Variants in BABAM2 observed in about 807,000 individuals in gnomAD.
BABAM2 encodes the protein BRISC and BRCA1 A complex member 2.
BABAM2 carries 31 observed loss-of-function variants against 54.7 expected under a neutral mutation model. The ratio of observed to expected loss-of-function variants is 0.57; its 90% CI spans 0.43 to 0.77. The LOEUF (loss-of-function observed/expected upper bound fraction) is 0.77, where lower values mean the gene tolerates loss of function less well. BABAM2 is among the 30% of genes least tolerant of loss of function. BABAM2 has a pLI of 0.00. For synonymous variants in BABAM2, 167 were observed against 162.9 expected (o/e 1.03, Z -0.19); for missense variants, 364 against 455.8 (o/e 0.80, Z 1.83).
chr2:27,900,092 G>C (rs1343302571), intron 2 of BABAM2, among the ~76,000 whole-genome samples: 5 of 152,134 alleles, frequency 3.3e-5, no homozygotes, highest in Non-Finnish European at 7.4e-5. Flanking sequence ...CTTCTTTTTG[G>C]TGTGTCACTT....
intron 10 of BABAM2, among the ~76,000 whole-genome samples, chr2:28,294,446 G>T (rs1687526892): frequency 6.6e-6 from 1 of 151,890 alleles, no homozygotes; most frequent in African/African-American, 2.4e-5. Context: ...CTGAAACTAT[G>T]AGCCCCAAAT....
chr2:28,219,026 C>A (rs1303226742), intron 7 of BABAM2, among the ~76,000 whole-genome samples: 2 of 152,200 alleles, frequency 1.3e-5, no homozygotes, highest in South Asian at 2.1e-4. Context: ...GTTGCTGTAA[C>A]AAATTACCAC....
chr2:28,294,097 C>T (rs1687495095), intron 10 of BABAM2, among the ~76,000 whole-genome samples: 1 of 151,540 alleles, frequency 6.6e-6, no homozygotes, highest in East Asian at 2.0e-4. Context: ...AAGCAAATGG[C>T]TGGCCAGGCA....
At chr2:28,268,867 G>C (rs760258171) in intron 10 of BABAM2, among the ~76,000 whole-genome samples, 1 of 152,174 alleles carries the variant, frequency 6.6e-6, no homozygotes, top group African/African-American at 2.4e-5. Context: ...AAGTCTTGAG[G>C]TCCACTGTAG....
intron 3 of BABAM2, among the ~76,000 whole-genome samples, chr2:27,987,676 A>G (rs1377836504): frequency 1.3e-5 from 2 of 151,822 alleles, no homozygotes; most frequent in Non-Finnish European, 2.9e-5. Context: ...TTATCTGGGC[A>G]TGGTGACATG....
Position 27,895,675 on chromosome 2 carries a change from C to T in BABAM2, c.128+991C>T, listed in dbSNP as rs79686340. 2.1e-4 allele frequency among the ~76,000 whole-genome samples: 32 copies of T among 152,206 alleles called. 1 individual carries two copies. In the East Asian group the frequency reaches 5.8e-3, roughly 28 times the overall value. On this transcript the variant is annotated intron_variant, in intron 2 of 11. Coordinates refer to ENST00000379624, the MANE Select transcript of BABAM2 (RefSeq NM_199191.3). ...TGATGCTTTGAGACTTTGCCAATAC[C>T]CGGTTTCTCATCATCCTTTTGTCCA...
At chr2:28,182,133 C>T (rs1054072145) in intron 7 of BABAM2, among the ~76,000 whole-genome samples, 1 of 152,140 alleles carries the variant, frequency 6.6e-6, no homozygotes, top group African/African-American at 2.4e-5. Context: ...TAGGGCCTTA[C>T]AGGCCGCTTT....
At chr2:28,040,296 T>TTTTTTTTTTG in intron 5 of BABAM2, among the ~76,000 whole-genome samples, 1 of 17,004 alleles carries the variant, frequency 5.9e-5, no homozygotes, top group Non-Finnish European at 1.4e-4. Flanking sequence ...ACTGAATTCT[T>TTTTTTTTTTG]TTTTTTTTTT....
intron 6 of BABAM2, among the ~76,000 whole-genome samples, chr2:28,058,335 C>G (rs960549747): frequency 1.3e-5 from 2 of 151,852 alleles, no homozygotes; most frequent in Non-Finnish European, 2.9e-5. Flanking sequence ...AAATTTTAAT[C>G]ATTATTTTTG....
intron 6 of BABAM2, among the ~76,000 whole-genome samples, chr2:28,068,305 A>G (rs1477834675): frequency 6.6e-6 from 1 of 152,212 alleles, no homozygotes; most frequent in Non-Finnish European, 1.5e-5. Flanking sequence ...AGGGCACAAA[A>G]TACAAGTTCT....
At position 27,948,895 on chromosome 2, in the gene BABAM2, C is replaced by T. The variant is rs370529525; in HGVS notation, c.205+18987C>T. Among the ~76,000 whole-genome samples the T allele has an allele frequency of 1.9e-4, 29 of 152,280 alleles. No homozygotes were observed. The South Asian group carries it at 5.6e-3, about 29-fold the overall frequency. On this transcript the variant is annotated intron_variant, in intron 3 of 11. Transcript: ENST00000379624. ...GTTGGCTATGTATTTTTCAGAGATG[C>T]CCTTTATCAGACTGATGAAGTCCCC...
chr2:28,074,202 A>G (rs1220620439), intron 6 of BABAM2, among the ~76,000 whole-genome samples: 1 of 152,168 alleles, frequency 6.6e-6, no homozygotes, highest in Non-Finnish European at 1.5e-5. Context: ...ACATGAATTT[A>G]TTTGTGACAA....
intron 4 of BABAM2, among the ~76,000 whole-genome samples, chr2:27,997,870 C>T (rs1046715949): frequency 1.3e-5 from 2 of 151,904 alleles, no homozygotes; most frequent in Non-Finnish European, 2.9e-5. Flanking sequence ...TATGCTTATC[C>T]AGGGCCAGGC....
intron 2 of BABAM2, among the ~76,000 whole-genome samples, chr2:27,911,014 A>G (rs1241459299): frequency 6.6e-6 from 1 of 152,060 alleles, no homozygotes; most frequent in Non-Finnish European, 1.5e-5. Flanking sequence ...CAATCTGATG[A>G]TTTTATAAGG....
At chr2:27,948,112 G>T (rs1669431960) in intron 3 of BABAM2, among the ~76,000 whole-genome samples, 1 of 151,778 alleles carries the variant, frequency 6.6e-6, no homozygotes, top group South Asian at 2.1e-4. Flanking sequence ...GAATCATCTT[G>T]TCAATTTTTT....
At chr2:27,964,247 C>CAA (rs1670683677) in intron 3 of BABAM2, among the ~76,000 whole-genome samples, 1 of 152,174 alleles carries the variant, frequency 6.6e-6, no homozygotes, top group African/African-American at 2.4e-5. Flanking sequence ...ATGAGGCCCT[C>CAA]ACTAGAAGCT....
intron 2 of BABAM2, among the ~76,000 whole-genome samples, chr2:27,901,060 AAAG>A: frequency 6.6e-6 from 1 of 151,568 alleles, no homozygotes. Flanking sequence ...AAAAAAAAAA[AAAG>A]GAAATTATAG....
chr2:28,066,550 G>C (rs1361909160), intron 6 of BABAM2, among the ~76,000 whole-genome samples: 1 of 152,170 alleles, frequency 6.6e-6, no homozygotes, highest in Non-Finnish European at 1.5e-5. Context: ...ATTTGGGATT[G>C]AGTTAGCTGA....
At chr2:27,904,307 T>A (rs1218881266) in intron 2 of BABAM2, among the ~76,000 whole-genome samples, 1 of 152,232 alleles carries the variant, frequency 6.6e-6, no homozygotes, top group Non-Finnish European at 1.5e-5. Context: ...AAGGGGGGAC[T>A]ACTATACATC....
Sources: allele counts gnomAD v4.1 joint callset (sites outside exome capture counted in the v4.1 genomes callset), GRCh38; gene constraint gnomAD v4.1.1; transcripts MANE v1.5; gene names NCBI Gene and HGNC (gene_info 2026-07-23, HGNC 2026-07-21).